The following PRMT8 variants were observed in gnomAD, a reference collection of about 807,000 sequenced individuals.
PRMT8 encodes the protein protein arginine methyltransferase 8.
Under a neutral mutation model 47.1 loss-of-function variants are expected in PRMT8, and 7 were observed. That is an observed-to-expected ratio of 0.15 (90% CI 0.08 to 0.28). The LOEUF (loss-of-function observed/expected upper bound fraction) is 0.28. Ranked by LOEUF, PRMT8 falls within the 10% of genes least tolerant of loss-of-function variation. PRMT8 has a pLI of 1.00. For synonymous variants in PRMT8, 188 were observed against 186.5 expected (o/e 1.01, Z -0.07); for missense variants, 237 against 505.4 (o/e 0.47, Z 5.09).
intron 1 of PRMT8, among the ~76,000 whole-genome samples, chr12:3,397,557 A>C (rs1217625332): frequency 1.3e-5 from 2 of 151,496 alleles, no homozygotes; most frequent in Non-Finnish European, 2.9e-5. Context: ...TTGAGGAGGC[A>C]GTCTGCCCGT....
intron 1 of PRMT8, among the ~76,000 whole-genome samples, chr12:3,449,656 C>A (rs1470932616): frequency 1.3e-5 from 2 of 152,126 alleles, no homozygotes; most frequent in African/African-American, 4.8e-5. Context: ...GGATAGATTG[C>A]AAACTTTTTC....
chr12:3,507,210 C>T (rs1256464871), intron 1 of PRMT8, among the ~76,000 whole-genome samples: 2 of 151,466 alleles, frequency 1.3e-5, no homozygotes, highest in East Asian at 1.9e-4. Context: ...CAAGCTCCGC[C>T]TCCCGGGTTC....
At chr12:3,387,220 A>G (rs1864149555) in intron 1 of PRMT8, among the ~76,000 whole-genome samples, 1 of 152,234 alleles carries the variant, frequency 6.6e-6, no homozygotes, top group Non-Finnish European at 1.5e-5. Flanking sequence ...TTTAAGCTTC[A>G]TAGAACATTT....
At chr12:3,539,005 G>A (rs1030785226) in intron 1 of PRMT8, among the ~76,000 whole-genome samples, 1 of 152,202 alleles carries the variant, frequency 6.6e-6, no homozygotes, top group Non-Finnish European at 1.5e-5. Context: ...TCTTGGGACT[G>A]CGCGGAGTGA....
At chr12:3,463,699 T>A (rs1324341638) in intron 1 of PRMT8, 1 of 152,190 alleles carries the variant, frequency 6.6e-6, no homozygotes, top group African/African-American at 2.4e-5. Context: ...TCTCAAGCAA[T>A]CCTCCTGCCT....
At chr12:3,464,326 A>G (rs1029910884) in intron 1 of PRMT8, among the ~76,000 whole-genome samples, 1 of 152,008 alleles carries the variant, frequency 6.6e-6, no homozygotes, top group Non-Finnish European at 1.5e-5. Context: ...CCTTCACCTC[A>G]ACTCCTAACG....
intron 7 of PRMT8, among the ~76,000 whole-genome samples, chr12:3,577,305 G>A (rs1866964411): frequency 6.6e-6 from 1 of 152,202 alleles, no homozygotes; most frequent in African/African-American, 2.4e-5. Flanking sequence ...GCGTGCTCAG[G>A]TTTGGGGCAG....
At chr12:3,438,338 A>C (rs2137072532) in intron 1 of PRMT8, among the ~76,000 whole-genome samples, 1 of 152,340 alleles carries the variant, frequency 6.6e-6, no homozygotes, top group Non-Finnish European at 1.5e-5. Context: ...CCACTGCCAC[A>C]ACCTGTGTGA....
At chr12:3,480,356 G>A (rs1865260862) in intron 1 of PRMT8, among the ~76,000 whole-genome samples, 2 of 152,216 alleles carry the variant, frequency 1.3e-5, no homozygotes, top group Admixed American at 1.3e-4. Flanking sequence ...CCCCTTGCTT[G>A]TTCCAAGAAC....
chr12:3,383,036 C>T (rs1368805573), intron 1 of PRMT8, among the ~76,000 whole-genome samples: 1 of 152,166 alleles, frequency 6.6e-6, no homozygotes, highest in African/African-American at 2.4e-5. Flanking sequence ...AAGTCTATTT[C>T]TGGGCTCTCT....
At chr12:3,507,935 T>A (rs2137126150) in intron 1 of PRMT8, among the ~76,000 whole-genome samples, 1 of 152,258 alleles carries the variant, frequency 6.6e-6, no homozygotes, top group East Asian at 1.9e-4. Flanking sequence ...ATTTTTGTAT[T>A]CTTTCCCCTT....
intron 1 of PRMT8, among the ~76,000 whole-genome samples, chr12:3,415,693 T>C (rs1017337494): frequency 3.3e-5 from 5 of 152,224 alleles, no homozygotes; most frequent in Non-Finnish European, 5.9e-5. Context: ...AAGGTGGGGC[T>C]ACAGAGAGAT....
chr12:3,469,127 C>T (rs1486257472), intron 1 of PRMT8: 5 of 491,212 alleles, frequency 1.0e-5, no homozygotes, highest in African/African-American at 5.9e-5. Flanking sequence ...CAGAGTCTTC[C>T]ATGCCTATGT....
At chr12:3,439,492 T>C (rs1455281101) in intron 1 of PRMT8, among the ~76,000 whole-genome samples, 1 of 152,212 alleles carries the variant, frequency 6.6e-6, no homozygotes, top group African/African-American at 2.4e-5. Flanking sequence ...TATTTTTAAA[T>C]GACTCCCTTA....
chr12:3,515,327 C>T (rs1227384310), intron 1 of PRMT8, among the ~76,000 whole-genome samples: 1 of 152,118 alleles, frequency 6.6e-6, no homozygotes, highest in African/African-American at 2.4e-5. Context: ...CTGGTGTGGT[C>T]CCTGGGCCAG....
intron 1 of PRMT8, among the ~76,000 whole-genome samples, chr12:3,398,028 C>A (rs963232778): frequency 1.2e-4 from 19 of 152,188 alleles, no homozygotes; most frequent in African/African-American, 4.6e-4. Flanking sequence ...TGACCCCTTG[C>A]GCTTCCCGAG....
At chr12:3,556,907 A>G (rs1479748127) in intron 4 of PRMT8, among the ~76,000 whole-genome samples, 1 of 152,064 alleles carries the variant, frequency 6.6e-6, no homozygotes, top group African/African-American at 2.4e-5. Context: ...TTTGCCTTGC[A>G]CAGGTGGAGA....
chr12:3,575,493 T>C (rs981219812), intron 6 of PRMT8, among the ~76,000 whole-genome samples: 6 of 152,228 alleles, frequency 3.9e-5, no homozygotes, highest in African/African-American at 1.4e-4. Flanking sequence ...CTTGCATTCC[T>C]GGTTGCTGTC....
chr12:3,482,552 G>A (rs1865284836), intron 1 of PRMT8, among the ~76,000 whole-genome samples: 1 of 152,226 alleles, frequency 6.6e-6, no homozygotes, highest in African/African-American at 2.4e-5. Flanking sequence ...AGCACTTGGA[G>A]AAGTTACTAA....
Sources: gnomAD v4.1 joint callset for allele counts (sites outside exome capture counted in the v4.1 genomes callset) on GRCh38, gnomAD v4.1.1 for gene constraint, MANE v1.5 for transcripts, NCBI Gene and HGNC (gene_info 2026-07-23, HGNC 2026-07-21) for gene names.